The following ITK variants were observed in gnomAD, a reference collection of about 807,000 sequenced individuals.
The protein encoded by ITK is IL2 inducible T cell kinase.
Under a neutral mutation model 87.6 loss-of-function variants are expected in ITK, and 45 were observed. That is an observed-to-expected ratio of 0.51 (90% CI 0.40 to 0.66). ITK has a LOEUF of 0.66. Among genes scored for constraint, ITK ranks in the 30% least tolerant of loss-of-function variants. ITK has a pLI of 0.00. For missense variants in ITK, 605 were observed against 766.3 expected (o/e 0.79, Z 2.48); for synonymous variants, 303 against 273.6 (o/e 1.11, Z -1.06).
Position 157,240,075 on chromosome 5 carries a change from T to C in ITK, c.865T>C (p.Cys289Arg), listed in dbSNP as rs756676468. The C allele has an allele frequency of 6.2e-7, 1 of 1,611,952 alleles. No individual in the cohort carries two copies. Among genetic ancestry groups the C allele is most frequent in the Non-Finnish European group, 8.5e-7 (1 of 1,178,006 alleles). The change falls in exon 10 of 17, where the codon TGT (cysteine) becomes CGT (arginine). Residue 289 changes from cysteine to arginine, a missense_variant. This residue lies in a region of ITK where 464 missense variants were observed against 578.0 expected (regional missense o/e 0.80). Transcript: ENST00000422843. ...CATTTGTTTAAGTGAGAACAATCCC[T>C]GTATAAAGCATTATCACATCAAGGA... The part of the protein sequence containing the change: ...TKAVVSENNP[C>R]IKHYHIKETN...
intron 1 of ITK, among the ~76,000 whole-genome samples, chr5:157,204,385 A>AC (rs1442564686): frequency 2.6e-5 from 4 of 151,716 alleles, no homozygotes; most frequent in African/African-American, 9.7e-5. Flanking sequence ...ACATGGTGAA[A>AC]CCCCATCTCT....
chr5:157,227,508 G>A (rs1754556394), intron 6 of ITK, among the ~76,000 whole-genome samples: 1 of 152,048 alleles, frequency 6.6e-6, no homozygotes, highest in South Asian at 2.1e-4. Flanking sequence ...AGCTTACAAT[G>A]CCAACTGGTA....
chr5:157,200,201 G>A (rs1331147198), intron 1 of ITK, among the ~76,000 whole-genome samples: 1 of 152,322 alleles, frequency 6.6e-6, no homozygotes, highest in East Asian at 1.9e-4. Flanking sequence ...GTAAGCATCA[G>A]CATCTTGAAT....
At chr5:157,234,795 G>T (rs146658958) in intron 8 of ITK, among the ~76,000 whole-genome samples, 2 of 152,098 alleles carry the variant, frequency 1.3e-5, no homozygotes, top group Non-Finnish European at 2.9e-5. Context: ...TGGGTGGGGG[G>T]CTAGGGGAGA....
At chr5:157,212,484 G>A (rs1219064866) in intron 3 of ITK, among the ~76,000 whole-genome samples, 2 of 152,198 alleles carry the variant, frequency 1.3e-5, no homozygotes, top group East Asian at 1.9e-4. Flanking sequence ...AGTGCTCTCC[G>A]TTCTTACAGT....
chr5:157,220,685 C>T (rs1016249866), intron 5 of ITK, among the ~76,000 whole-genome samples: 1 of 152,182 alleles, frequency 6.6e-6, no homozygotes, highest in South Asian at 2.1e-4. Flanking sequence ...TCAGTTTCTC[C>T]AAATGCCATC....
At chr5:157,216,098 C>T (rs1374775373) in intron 4 of ITK, among the ~76,000 whole-genome samples, 1 of 152,196 alleles carries the variant, frequency 6.6e-6, no homozygotes, top group Admixed American at 6.5e-5. Flanking sequence ...CCATATCCTC[C>T]TCTGAGCATC....
rs562641046 is a variant in ITK, at chr5:157,211,550, T to C, written c.325+182T>C. The C allele has an allele frequency of 7.9e-6, 5 of 633,470 alleles. No individual in the cohort carries two copies. The African/African-American group carries it at 9.0e-5, about 11-fold the overall frequency. The allele number at this position is 633,470 out of a possible 1,614,324, so 39.2% of individuals were successfully genotyped here. A position where few individuals can be genotyped will look rare whatever the true frequency, so the allele number is the denominator to read the frequency against. On this transcript the variant is annotated intron_variant, in intron 3 of 16. Coordinates refer to ENST00000422843, the MANE Select transcript of ITK (RefSeq NM_005546.4). ...AGCAATAACTGGTATCATTCAGGGATTGACCAAATCCAGCCTGCTGTCTGT... is the reference window on the plus strand; with the variant it reads ...AGCAATAACTGGTATCATTCAGGGACTGACCAAATCCAGCCTGCTGTCTGT...
At chr5:157,197,868 C>T (rs1753882309) in intron 1 of ITK, among the ~76,000 whole-genome samples, 1 of 152,050 alleles carries the variant, frequency 6.6e-6, no homozygotes, top group Non-Finnish European at 1.5e-5. Flanking sequence ...CTGTGAAAAT[C>T]CTTTTTATTA....
Position 157,243,689 on chromosome 5 carries a change from T to C in ITK, c.1127T>C (p.Leu376Ser). The change falls in exon 12 of 17, where the codon TTG becomes TCG. Residue 376 changes from leucine (L) to serine (S), a missense_variant. Leu to Ser is a moderately radical substitution (Grantham distance 145). Coordinates refer to ENST00000422843, the MANE Select transcript of ITK (RefSeq NM_005546.4). ...GAGATTGGCAGTGGGCAATTTGGGT[T>C]GGTGCATCTGGGCTACTGGCTCAAC... is the stretch of plus-strand genomic sequence containing the variant. ...VQEIGSGQFGLVHLGYWLNKD... is the reference protein window; with the variant it reads ...VQEIGSGQFGSVHLGYWLNKD... 2 of 1,613,670 alleles carry C rather than the reference T, an allele frequency of 1.2e-6. No individual in the cohort carries two copies. Among genetic ancestry groups the C allele is most frequent in the Middle Eastern group, 1.7e-4 (1 of 5,894 alleles).
intron 7 of ITK, among the ~76,000 whole-genome samples, chr5:157,230,157 A>G (rs1373385833): frequency 6.6e-6 from 1 of 152,204 alleles, no homozygotes; most frequent in Admixed American, 6.5e-5. Flanking sequence ...AAATAGACAC[A>G]GAAGTACTTA....
At chr5:157,184,728 G>A (rs1291648984) in intron 1 of ITK, among the ~76,000 whole-genome samples, 1 of 152,186 alleles carries the variant, frequency 6.6e-6, no homozygotes, top group Non-Finnish European at 1.5e-5. Context: ...TATTTCATGA[G>A]AAAAGTATGT....
At chr5:157,243,391 A>G (rs1411190688) in intron 11 of ITK, among the ~76,000 whole-genome samples, 1 of 152,180 alleles carries the variant, frequency 6.6e-6, no homozygotes, top group African/African-American at 2.4e-5. Flanking sequence ...GGTTTCTTTA[A>G]TATCTTCATT....
chr5:157,204,334 G>T (rs538552299), intron 1 of ITK, among the ~76,000 whole-genome samples: 1 of 152,168 alleles, frequency 6.6e-6, no homozygotes, highest in Non-Finnish European at 1.5e-5. Flanking sequence ...GCTGAGGCGG[G>T]CAGATTGCCT....
At chr5:157,194,451 G>A (rs973482684) in intron 1 of ITK, among the ~76,000 whole-genome samples, 2 of 152,144 alleles carry the variant, frequency 1.3e-5, no homozygotes, top group African/African-American at 4.8e-5. Flanking sequence ...AGCCTTTTCT[G>A]GGAATAACAT....
chr5:157,184,403 T>C (rs1753601260), intron 1 of ITK, among the ~76,000 whole-genome samples: 1 of 152,032 alleles, frequency 6.6e-6, no homozygotes, highest in African/African-American at 2.4e-5. Flanking sequence ...ACAAGCCGAG[T>C]CCAGCACACC....
At chr5:157,231,169 C>T (rs2113766243) in intron 7 of ITK, among the ~76,000 whole-genome samples, 1 of 152,254 alleles carries the variant, frequency 6.6e-6, no homozygotes, top group East Asian at 1.9e-4. Flanking sequence ...CAGCCATGAC[C>T]TTGGGCAAGT....
Position 157,222,727 on chromosome 5 carries a change from T to C in ITK, c.496-136T>C, listed in dbSNP as rs911314206. 4 of 786,280 alleles carry C rather than the reference T, an allele frequency of 5.1e-6. No homozygotes were observed. The African/African-American group carries it at 5.1e-5, about 10-fold the overall frequency. The allele number at this position is 786,280 out of a possible 1,614,324, so 48.7% of individuals were successfully genotyped here. The stretch of plus-strand genomic sequence containing the variant: ...CAAGCACTGATGTCTTTGTGTCATG[T>C]TCAGCGCTGTAACTCTAACTCATAA... On this transcript the variant is annotated intron_variant, in intron 5 of 16. Transcript: ENST00000422843.
chr5:157,228,659 C>G (rs2113764745), intron 7 of ITK, among the ~76,000 whole-genome samples: 1 of 151,692 alleles, frequency 6.6e-6, no homozygotes, highest in African/African-American at 2.4e-5. Context: ...TTTTTTGAGA[C>G]AGGGTCTCAC....
Sources: allele counts gnomAD v4.1 joint callset (sites outside exome capture counted in the v4.1 genomes callset), GRCh38; gene constraint gnomAD v4.1.1; regional missense constraint gnomAD v4.1.1; transcripts MANE v1.5; gene names NCBI Gene and HGNC (gene_info 2026-07-23, HGNC 2026-07-21).